The following SERPINF1 variants were observed in gnomAD, a reference collection of about 807,000 sequenced individuals.
SERPINF1 encodes the protein serpin family F member 1, also known as pigment epithelium-derived factor.
In SERPINF1, 29 loss-of-function variants were observed where a neutral mutation model predicts 37.3. The ratio of observed to expected loss-of-function variants is 0.78; its 90% CI spans 0.58 to 1.06. SERPINF1 has a LOEUF of 1.06. Ranked by LOEUF, SERPINF1 falls within the 50% of genes least tolerant of loss-of-function variation. The pLI is 0.00. For missense variants in SERPINF1, 553 were observed against 532.2 expected, an observed-to-expected ratio of 1.04 and a Z score of -0.38; for synonymous variants, 281 against 227.9, an observed-to-expected ratio of 1.23 and a Z score of -2.10.
chr17:1,763,365 A>G (rs16951640), intron 1 of SERPINF1, among the ~76,000 whole-genome samples: 6,378 of 152,304 alleles, frequency 0.042, 178 homozygotes, highest in Middle Eastern at 0.071. Flanking sequence ...TGATGTGGGC[A>G]ATTGTCAGAA....
intron 5 of SERPINF1, among the ~76,000 whole-genome samples, chr17:1,773,506 CCA>C (rs1341719485): frequency 6.6e-6 from 1 of 152,220 alleles, no homozygotes; most frequent in African/African-American, 2.4e-5. Flanking sequence ...CCTCGGCCTC[CCA>C]CAGTGCTGGG....
At position 1,769,915 on chromosome 17, in the gene SERPINF1, C is replaced by T. The variant is rs1907615280; in HGVS notation, c.148C>T (p.Pro50Ser). 5 of 1,614,170 alleles carry T rather than the reference C, an allele frequency of 3.1e-6. No homozygotes were observed. The highest frequency in any genetic ancestry group is 4.2e-6 in the Non-Finnish European group (5 of 1,180,020). ...GGAGGAGGATCCTTTCTTCAAAGTC[C>T]CCGTGAACAAGCTGGCAGCGGCTGT... ...VEEEDPFFKV[P>S]VNKLAAAVSN... Residue 50 changes from proline (P) to serine (S), a missense_variant, in exon 3 of 8, where the codon CCC becomes TCC. Coordinates refer to ENST00000254722, the MANE Select transcript of SERPINF1 (RefSeq NM_002615.7).
chr17:1,768,362 T>C (rs1317856438), intron 2 of SERPINF1, among the ~76,000 whole-genome samples: 6 of 131,778 alleles, frequency 4.6e-5, no homozygotes, highest in African/African-American at 1.2e-4. Flanking sequence ...ACCCGGGAGG[T>C]GGAGGTTGCA....
At chr17:1,768,443 A>AAAAG (rs1366896814) in intron 2 of SERPINF1, among the ~76,000 whole-genome samples, 2 of 151,298 alleles carry the variant, frequency 1.3e-5, no homozygotes, top group African/African-American at 2.4e-5. Flanking sequence ...AAAAAAAAAA[A>AAAAG]AAAGAAAGAA....
At chr17:1,768,468 C>CT (rs1403136382) in intron 2 of SERPINF1, among the ~76,000 whole-genome samples, 45 of 148,592 alleles carry the variant, frequency 3.0e-4, no homozygotes, top group East Asian at 3.0e-3. Context: ...AAACTGAGTT[C>CT]TTTTTTTTAA....
chr17:1,773,181 CAG>C (rs1306556022), intron 5 of SERPINF1, among the ~76,000 whole-genome samples: 2 of 152,142 alleles, frequency 1.3e-5, no homozygotes, highest in Non-Finnish European at 2.9e-5. Flanking sequence ...GACAGAAGAG[CAG>C]AGAGGGAGGA....
rs771135758 is a variant in SERPINF1, at chr17:1,771,887, C to G, written c.455C>G (p.Ser152Cys). The G allele has an allele frequency of 6.2e-7, 1 of 1,613,180 alleles. No homozygotes were observed. The highest frequency in any genetic ancestry group is 8.5e-7 in the Non-Finnish European group (1 of 1,179,946). ...IVFEKKLRIK[S>C]SFVAPLEKSY... ...CTCTTCTCAGAGCTGCGCATAAAAT[C>G]CAGCTTTGTGGCACCTCTGGAAAAG... Residue 152 changes from serine (S) to cysteine (C), a missense_variant, in exon 5 of 8, where the codon TCC becomes TGC. Physicochemically the swap from Ser to Cys is moderately radical, Grantham distance 112. Coordinates refer to ENST00000254722, the MANE Select transcript of SERPINF1 (RefSeq NM_002615.7).
chr17:1,764,285 C>T (rs752321852), intron 1 of SERPINF1, among the ~76,000 whole-genome samples: 2 of 152,260 alleles, frequency 1.3e-5, no homozygotes, highest in African/African-American at 2.4e-5. Flanking sequence ...GCCTTGCCTC[C>T]TGTGTACCTC....
At chr17:1,770,441 T>A in intron 3 of SERPINF1, 1 of 267,352 alleles carries the variant, frequency 3.7e-6, no homozygotes, top group Non-Finnish European at 7.1e-6. Flanking sequence ...ACCAGCTCAC[T>A]ACAGAATAGT....
At position 1,772,005 on chromosome 17, in the gene SERPINF1, G is replaced by A; in HGVS notation, c.573G>A (p.Lys191=). 1.9e-6 allele frequency: 3 copies of A among 1,614,002 alleles called. No homozygotes were observed. Among genetic ancestry groups the A allele is most frequent in the Non-Finnish European group, 2.5e-6 (3 of 1,180,026 alleles). ...NNWVQAQMKG[K]LARSTKEIPD... is the part of the protein sequence containing the mutation. ...GGGTGCAGGCGCAGATGAAAGGGAA[G>A]CTCGCCAGGTCCACAAAGGAAATTC... The change falls in exon 5 of 8, where the codon AAG becomes AAA. Residue 191 remains lysine (K), a synonymous_variant. Coordinates refer to ENST00000254722, the MANE Select transcript of SERPINF1 (RefSeq NM_002615.7).
At chr17:1,772,926 TCCTC>T (rs1907837555) in intron 5 of SERPINF1, among the ~76,000 whole-genome samples, 1 of 152,172 alleles carries the variant, frequency 6.6e-6, no homozygotes, top group Admixed American at 6.6e-5. Flanking sequence ...GCTGAAGTGA[TCCTC>T]CCACCTCGGC....
In SERPINF1 at chr17:1,770,091, A is replaced by G. The variant is rs968253088; in HGVS notation, c.283+41A>G. Reference sequence around the variant, plus strand: ...CAGGAAGCCCCAGGCAGACCTGGAGAGGCCCCCTGTGGCCTCTGCGTAAAC... The same window carrying G: ...CAGGAAGCCCCAGGCAGACCTGGAGGGGCCCCCTGTGGCCTCTGCGTAAAC... On this transcript the variant is annotated intron_variant, in intron 3 of 7. Coordinates refer to ENST00000254722, the MANE Select transcript of SERPINF1 (RefSeq NM_002615.7). 4 of 1,607,212 alleles carry G rather than the reference A, an allele frequency of 2.5e-6. No individual in the cohort carries two copies. The African/African-American group carries it at 5.4e-5, about 22-fold the overall frequency.
chr17:1,775,304 T>C, intron 6 of SERPINF1, 104 bp downstream of exon 6: 1 of 1,195,874 alleles, frequency 8.4e-7, no homozygotes, highest in Non-Finnish European at 1.2e-6. Context: ...GACAGCTGTC[T>C]ACATGTCGCC....
chr17:1,774,689 T>TGACC (rs891187567), intron 5 of SERPINF1, among the ~76,000 whole-genome samples: 34 of 152,286 alleles, frequency 2.2e-4, no homozygotes, highest in African/African-American at 7.2e-4. Context: ...CTCAAACTCC[T>TGACC]GACCTCAAGT....
rs138610575 is a variant in SERPINF1 at position 1,771,142 on chromosome 17, C to A, written c.397C>A (p.Gln133Lys). 2.5e-6 allele frequency: 4 copies of A among 1,614,116 alleles called. No individual in the cohort carries two copies. The highest frequency in any genetic ancestry group is 2.5e-6 in the Non-Finnish European group (3 of 1,179,996). Residue 133 changes from glutamine to lysine, a missense_variant, in exon 4 of 8, where the codon CAG becomes AAG. Physicochemically the swap from Gln to Lys is moderately conservative, Grantham distance 53. Transcript: ENST00000254722. ...GCTCCTTGACACGGTCACTGCCCCCCAGAAGAACCTCAAGAGTGCCTCCCG... is the reference window on the plus strand; with the variant it reads ...GCTCCTTGACACGGTCACTGCCCCCAAGAAGAACCTCAAGAGTGCCTCCCG... The part of the protein sequence containing the change: ...KELLDTVTAP[Q>K]KNLKSASRIV...
intron 7 of SERPINF1, 144 bp from the exon 8 acceptor site, chr17:1,777,043 T>G: frequency 7.6e-7 from 1 of 1,312,044 alleles, no homozygotes; most frequent in Non-Finnish European, 1.1e-6. Flanking sequence ...GGCAAGTCAC[T>G]CCACCCTCGG....
At position 1,775,150 on chromosome 17, in the gene SERPINF1, G is replaced by C. The variant is rs764544718; in HGVS notation, c.736G>C (p.Asp246His). ...ERTVRVPMMSDPKAVLRYGLD... is the reference protein window; with the variant it reads ...ERTVRVPMMSHPKAVLRYGLD... ...GACCGTGAGGGTCCCCATGATGTCG[G>C]ACCCTAAGGCTGTTTTACGCTATGG... The change falls in exon 6 of 8, where the codon GAC becomes CAC. Residue 246 changes from aspartate (D) to histidine (H), a missense_variant. Physicochemically the swap from Asp to His is moderately conservative, Grantham distance 81. Transcript: ENST00000254722. The C allele has an allele frequency of 1.1e-5, 18 of 1,613,168 alleles. No homozygotes were observed. The highest frequency in any genetic ancestry group is 1.5e-5 in the Non-Finnish European group (18 of 1,179,574).
At chr17:1,767,031 C>G (rs1472543407) in intron 2 of SERPINF1, 37 bp downstream of exon 2, 1 of 1,516,922 alleles carries the variant, frequency 6.6e-7, no homozygotes, top group East Asian at 2.5e-5. Context: ...GTCAGCATTC[C>G]CCGCCCCTCC....
At chr17:1,764,514 A>T (rs1345669412) in intron 1 of SERPINF1, among the ~76,000 whole-genome samples, 1 of 152,256 alleles carries the variant, frequency 6.6e-6, no homozygotes, top group African/African-American at 2.4e-5. Context: ...GCTGGCTGGG[A>T]ACGCAGAGGT....
Sources: gnomAD v4.1 joint callset for allele counts (sites outside exome capture counted in the v4.1 genomes callset) on GRCh38, gnomAD v4.1.1 for gene constraint, MANE v1.5 for transcripts, NCBI Gene and HGNC (gene_info 2026-07-23, HGNC 2026-07-21) for gene names.